The following LRRIQ1 variants were observed in gnomAD, a reference collection of about 807,000 sequenced individuals.
The protein encoded by LRRIQ1 is leucine rich repeats and IQ motif containing 1.
LRRIQ1 carries 210 observed loss-of-function variants against 211.9 expected under a neutral mutation model. The observed-to-expected ratio is 0.99, with a 90% CI of 0.89 to 1.11. The LOEUF is 1.11. Among genes scored for constraint, LRRIQ1 ranks in the 50% most tolerant of loss-of-function variants. The pLI is 0.00. For missense variants in LRRIQ1, 2,136 were observed against 1,939.5 expected (o/e 1.10, Z -1.90); for synonymous variants, 699 against 650.1 (o/e 1.08, Z -1.14).
Position 85,217,488 on chromosome 12 carries a change from A to G in LRRIQ1, c.4823-12029A>G, listed in dbSNP as rs1207232968. On this transcript the variant is annotated intron_variant, in intron 24 of 26. Coordinates refer to ENST00000393217, the MANE Select transcript of LRRIQ1 (RefSeq NM_001079910.2). ...GAAGTATATATATATATATATATAT[A>G]TATGTATATATATATATATATGTGT... Among the ~76,000 whole-genome samples the G allele has an allele frequency of 2.8e-4, 25 of 87,918 alleles. 1 individual carries two copies. In the East Asian group the frequency reaches 7.7e-3, roughly 27 times the overall value. 57.7% of individuals were successfully genotyped at this position (87,918 alleles called of 152,430 possible).
At chr12:85,082,061 T>C (rs1233880492) in intron 11 of LRRIQ1, among the ~76,000 whole-genome samples, 1 of 152,138 alleles carries the variant, frequency 6.6e-6, no homozygotes, top group African/African-American at 2.4e-5. Flanking sequence ...TTTCTTCCTT[T>C]TGATGTAGAT....
rs556744977 is a variant in LRRIQ1 at position 85,056,763 on chromosome 12, T to G, written c.1970T>G (p.Ile657Ser). 1.2e-6 allele frequency: 2 copies of G among 1,605,796 alleles called. No individual in the cohort carries two copies. The highest frequency in any genetic ancestry group is 1.7e-6 in the Non-Finnish European group (2 of 1,177,840). ...KDNAWNSGIV[I>S]FNTTDTMINI... ...AATGCTTGGAATAGTGGCATTGTGATTTTTAACACAACTGATACCATGATA... is the reference window on the plus strand; with the variant it reads ...AATGCTTGGAATAGTGGCATTGTGAGTTTTAACACAACTGATACCATGATA... The change falls in exon 8 of 27, where the codon ATT becomes AGT. Residue 657 changes from isoleucine (I) to serine (S), a missense_variant. Physicochemically the swap from Ile to Ser is moderately radical, Grantham distance 142 (BLOSUM62 -2). Transcript: ENST00000393217.
downstream of LRRIQ1, among the ~76,000 whole-genome samples, chr12:85,266,087 G>T (rs1278404548): frequency 6.6e-6 from 1 of 152,004 alleles, no homozygotes; most frequent in African/African-American, 2.4e-5. Flanking sequence ...TTGATTTCCT[G>T]TACTTATTTG....
At chr12:85,088,191 A>T (rs1394281844) in intron 11 of LRRIQ1, among the ~76,000 whole-genome samples, 1 of 152,150 alleles carries the variant, frequency 6.6e-6, no homozygotes, top group Non-Finnish European at 1.5e-5. Context: ...AGCACCATTT[A>T]TTAAATAGGG....
chr12:85,168,398 C>T (rs1827996), intron 24 of LRRIQ1, among the ~76,000 whole-genome samples: 2,544 of 152,290 alleles, frequency 0.017, 73 homozygotes, highest in African/African-American at 0.059. Flanking sequence ...GCCAACACTA[C>T]AGCTCCCTTG....
At chr12:85,270,462 C>G in the LRRIQ1 span, among the ~76,000 whole-genome samples, 1 of 152,010 alleles carries the variant, frequency 6.6e-6, no homozygotes, top group African/African-American at 2.4e-5. Context: ...ACCCCAGGAC[C>G]TAGCAACTTC....
chr12:85,113,855 T>C (rs1442146926), intron 15 of LRRIQ1, among the ~76,000 whole-genome samples: 2 of 151,686 alleles, frequency 1.3e-5, no homozygotes, highest in Non-Finnish European at 2.9e-5. Context: ...AAATGTCAAC[T>C]GTTGATGTCA....
chr12:85,102,136 T>C (rs946628607), intron 13 of LRRIQ1, among the ~76,000 whole-genome samples: 4 of 151,690 alleles, frequency 2.6e-5, no homozygotes, highest in East Asian at 3.9e-4. Context: ...ATTATATTTA[T>C]ATATATATTG....
In LRRIQ1 at chr12:85,121,770, C is replaced by T. The variant is rs754704778; in HGVS notation, c.3451C>T (p.Arg1151Cys). Reference protein sequence around the residue: ...GNILNSNSESRTEEHNQLGSA... With the variant: ...GNILNSNSESCTEEHNQLGSA... ...TATACTAAACTCTAATTCAGAAAGC[C>T]GCACTGAAGAACACAATCAACTGGG... Residue 1151 changes from arginine (R) to cysteine (C), a missense_variant, in exon 16 of 27, where the codon CGC becomes TGC. Coordinates refer to ENST00000393217, the MANE Select transcript of LRRIQ1 (RefSeq NM_001079910.2). The T allele has an allele frequency of 2.8e-5, 45 of 1,609,740 alleles. No homozygotes were observed. In the South Asian group the frequency reaches 3.4e-4, roughly 12 times the overall value.
chr12:85,195,696 A>C (rs1256567863), intron 24 of LRRIQ1, among the ~76,000 whole-genome samples: 1 of 151,808 alleles, frequency 6.6e-6, no homozygotes. Flanking sequence ...AGAGCTATCT[A>C]TGACAAACCC....
chr12:85,223,714 C>T (rs1474619086), intron 24 of LRRIQ1, among the ~76,000 whole-genome samples: 1 of 151,772 alleles, frequency 6.6e-6, no homozygotes, highest in African/African-American at 2.4e-5. Flanking sequence ...CTAAAATCAA[C>T]CAATGGTCAG....
chr12:85,209,303 T>C (rs1245888633), intron 24 of LRRIQ1, among the ~76,000 whole-genome samples: 1 of 152,084 alleles, frequency 6.6e-6, no homozygotes, highest in Non-Finnish European at 1.5e-5. Flanking sequence ...ACATCCCTCT[T>C]CACATGGTGG....
chr12:85,226,775 G>A (rs183227502), intron 24 of LRRIQ1, among the ~76,000 whole-genome samples: 2,884 of 147,430 alleles, frequency 0.02, 94 homozygotes, highest in African/African-American at 0.069. Flanking sequence ...GAGAACATGC[G>A]GTGTTTGGTT....
At chr12:85,195,453 G>A (rs543381059) in intron 24 of LRRIQ1, among the ~76,000 whole-genome samples, 2 of 151,606 alleles carry the variant, frequency 1.3e-5, no homozygotes, top group South Asian at 2.1e-4. Flanking sequence ...GAATCCAGCA[G>A]CACATCAAAA....
Position 85,056,682 on chromosome 12 carries a change from T to A in LRRIQ1, c.1889T>A (p.Leu630Ter), listed in dbSNP as rs774960224. The A allele has an allele frequency of 6.2e-7, 1 of 1,605,542 alleles. No homozygotes were observed. Among genetic ancestry groups the A allele is most frequent in the Non-Finnish European group, 8.5e-7 (1 of 1,176,786 alleles). The change falls in exon 8 of 27, where the codon TTA (leucine) becomes TAA (stop). Residue 630 changes from leucine to a stop codon, truncating the protein, a stop_gained. Coordinates refer to ENST00000393217, the MANE Select transcript of LRRIQ1 (RefSeq NM_001079910.2). LOFTEE classifies it high-confidence loss of function. ...AAAGATGTAAGAGAAAACGTAATAT[T>A]ACAAGAAAAAGAAATTTATTCAAAA... ...NSKDVRENVI[L>*]QEKEIYSKSK...
At chr12:85,272,129 A>G in the LRRIQ1 span, among the ~76,000 whole-genome samples, 3 of 152,210 alleles carry the variant, frequency 2.0e-5, no homozygotes, top group Admixed American at 2.0e-4. Context: ...GAGATGCCCA[A>G]AGAAGCTAAT....
intron 19 of LRRIQ1, among the ~76,000 whole-genome samples, chr12:85,142,969 C>G (rs1889647043): frequency 6.6e-6 from 1 of 151,480 alleles, no homozygotes; most frequent in Admixed American, 6.6e-5. Context: ...TTTTGGTATA[C>G]CTAGTAGTGG....
chr12:85,060,011 A>G (rs1416251812), intron 8 of LRRIQ1, among the ~76,000 whole-genome samples: 5 of 151,946 alleles, frequency 3.3e-5, no homozygotes, highest in African/African-American at 1.2e-4. Flanking sequence ...GACTGTTTCT[A>G]ATTTTATTTC....
chr12:85,055,489 T>G, intron 7 of LRRIQ1, 58 bp from the exon 8 acceptor site: 1 of 1,271,890 alleles, frequency 7.9e-7, no homozygotes, highest in South Asian at 2.6e-5. Context: ...CAGATGACAT[T>G]TTAGTAACAT....
Sources: gnomAD v4.1 joint callset for allele counts (sites outside exome capture counted in the v4.1 genomes callset) on GRCh38, gnomAD v4.1.1 for gene constraint, MANE v1.5 for transcripts, NCBI Gene and HGNC (gene_info 2026-07-23, HGNC 2026-07-21) for gene names.